The following ZCWPW1 variants were observed in gnomAD, a reference collection of about 807,000 sequenced individuals.
The protein encoded by ZCWPW1 is zinc finger CW-type and PWWP domain containing 1.
ZCWPW1 carries 56 observed loss-of-function variants against 81.3 expected under a neutral mutation model. The ratio of observed to expected loss-of-function variants is 0.69; its 90% CI spans 0.56 to 0.86. The LOEUF is 0.86. ZCWPW1 is among the 40% of genes least tolerant of loss of function. The pLI, the probability that ZCWPW1 is intolerant of heterozygous loss-of-function variation, is 0.00. For missense variants in ZCWPW1, 650 were observed against 769.8 expected, an observed-to-expected ratio of 0.84 and a Z score of 1.84; for synonymous variants, 250 against 273.7, an observed-to-expected ratio of 0.91 and a Z score of 0.86.
chr7:100,419,966 A>T, intron 3 of ZCWPW1, 83 bp from the exon 4 acceptor site: 1 of 1,124,362 alleles, frequency 8.9e-7, no homozygotes, highest in Non-Finnish European at 1.3e-6. Context: ...ACTAGCCATA[A>T]CAGAATGATA....
intron 9 of ZCWPW1, 149 bp from the exon 10 acceptor site, chr7:100,408,808 T>C: frequency 1.1e-6 from 1 of 888,744 alleles, no homozygotes; most frequent in South Asian, 2.0e-5. Context: ...AGAGGAAGAA[T>C]AAAGACCCAT....
intron 8 of ZCWPW1, among the ~76,000 whole-genome samples, chr7:100,412,772 G>A (rs1158396548): frequency 2.6e-5 from 4 of 151,956 alleles, no homozygotes; most frequent in Admixed American, 6.6e-5. Context: ...TAGTAGAGAC[G>A]GGGTTTCACC....
intron 5 of ZCWPW1, chr7:100,417,406 T>C (rs1047000776): frequency 6.3e-6 from 3 of 475,378 alleles, no homozygotes; most frequent in South Asian, 3.1e-5. Flanking sequence ...GGCCAGGTAA[T>C]GATAATTTTG....
rs1218110079 is a variant in ZCWPW1, at chr7:100,408,567, T to C, written c.964A>G (p.Ile322Val). The part of the protein sequence containing the change: ...AYASYIPGSI[I>V]WAKQYGYPWW... ...GGGTAACCGTATTGCTTGGCCCAGA[T>C]GATGGATCCTGGGATGTAGGAGGCA... is the stretch of plus-strand genomic sequence containing the variant. The change falls in exon 10 of 18, where the codon ATC (isoleucine) becomes GTC (valine). Residue 322 changes from isoleucine (I) to valine (V), a missense_variant. Physicochemically the swap from Ile to Val is conservative, Grantham distance 29. Transcript: ENST00000684423. 1 of 1,614,002 alleles carries C rather than the reference T, an allele frequency of 6.2e-7. No individual in the cohort carries two copies. Among genetic ancestry groups the C allele is most frequent in the Admixed American group, 1.7e-5 (1 of 60,000 alleles).
At position 100,405,059 on chromosome 7, in the gene ZCWPW1, C is replaced by T. The variant is rs538555436; in HGVS notation, c.1208G>A (p.Gly403Glu). ...KRRNDCSQKL[G>E]VALMMAQEAE... is the part of the protein sequence containing the mutation. Reference sequence around the variant, plus strand: ...CTCTTGAGCCATCATCAGGGCCACCCCCAGTTTCTGGCTGCAGTCATTTCT... The same window carrying T: ...CTCTTGAGCCATCATCAGGGCCACCTCCAGTTTCTGGCTGCAGTCATTTCT... Residue 403 changes from glycine (G) to glutamate (E), a missense_variant, in exon 13 of 18, where the codon GGG (glycine) becomes GAG (glutamate). Coordinates refer to ENST00000684423, the MANE Select transcript of ZCWPW1 (RefSeq NM_001386010.1). The T allele has an allele frequency of 3.1e-6, 5 of 1,613,424 alleles. No homozygotes were observed. The highest frequency in any genetic ancestry group is 4.2e-6 in the Non-Finnish European group (5 of 1,179,782).
At chr7:100,411,651 G>A (rs1038767537) in intron 8 of ZCWPW1, among the ~76,000 whole-genome samples, 1 of 152,108 alleles carries the variant, frequency 6.6e-6, no homozygotes, top group Non-Finnish European at 1.5e-5. Flanking sequence ...AGTAGTTTTG[G>A]ATGTTTACAG....
rs764526839 is a variant in ZCWPW1 at position 100,401,263 on chromosome 7, T to C, written c.1701A>G (p.Arg567=). The stretch of plus-strand genomic sequence containing the variant: ...ATAGGCCCAGGTTCTTTGGCACTGT[T>C]CTAACTTCTTTTCCCTCTGAAAAGC... The part of the protein sequence containing the change: ...AASFSEGKEV[R]TVPKNLGLSA... Residue 567 remains arginine, a synonymous_variant, in exon 18 of 18, where the codon AGA becomes AGG. Coordinates refer to ENST00000684423, the MANE Select transcript of ZCWPW1 (RefSeq NM_001386010.1). 2 of 1,610,220 alleles carry C rather than the reference T, an allele frequency of 1.2e-6. No homozygotes were observed. Among genetic ancestry groups the C allele is most frequent in the Non-Finnish European group, 1.7e-6 (2 of 1,177,580 alleles).
rs1330993832 is a variant in ZCWPW1, at chr7:100,401,934, T to C, written c.1582A>G (p.Met528Val). 6.2e-7 allele frequency: 1 copy of C among 1,614,158 alleles called. No individual in the cohort carries two copies. Among genetic ancestry groups the C allele is most frequent in the South Asian group, 1.1e-5 (1 of 91,078 alleles). ...RKSTAPPAPRMGRKEGQGNSD... is the reference protein window; with the variant it reads ...RKSTAPPAPRVGRKEGQGNSD... The stretch of plus-strand genomic sequence containing the variant: ...TTCCCTTGGCCTTCTTTCCTTCCCA[T>C]TCTGGGTGCAGGAGGAGCTGTGGAT... The change falls in exon 17 of 18, where the codon ATG becomes GTG. Residue 528 changes from methionine (M) to valine (V), a missense_variant. Physicochemically the swap from Met to Val is conservative, Grantham distance 21. Transcript: ENST00000684423.
intron 9 of ZCWPW1, among the ~76,000 whole-genome samples, chr7:100,409,101 G>A (rs564638988): frequency 9.2e-5 from 14 of 152,140 alleles, no homozygotes; most frequent in Admixed American, 2.0e-4. Context: ...GATCTCTCTC[G>A]TCTGTTTTCC....
intron 12 of ZCWPW1, 112 bp downstream of exon 12, chr7:100,406,582 G>T: frequency 1.0e-6 from 1 of 1,002,076 alleles, no homozygotes; most frequent in Non-Finnish European, 1.5e-6. Flanking sequence ...TGGCACACCT[G>T]GTCAGACACA....
At position 100,401,950 on chromosome 7, in the gene ZCWPW1, A is replaced by G. The variant is rs1258879218; in HGVS notation, c.1566T>C (p.Ala522=). 6.2e-7 allele frequency: 1 copy of G among 1,613,978 alleles called. No individual in the cohort carries two copies. Among genetic ancestry groups the G allele is most frequent in the Non-Finnish European group, 8.5e-7 (1 of 1,180,000 alleles). Residue 522 remains alanine, a synonymous_variant, in exon 17 of 18, where the codon GCT becomes GCC. Transcript: ENST00000684423. ...MKRSLGRKST[A]PPAPRMGRKE... The stretch of plus-strand genomic sequence containing the variant: ...TCCTTCCCATTCTGGGTGCAGGAGG[A>G]GCTGTGGATTTCCTGCCTAGAGATC...
chr7:100,401,799 A>C, intron 17 of ZCWPW1, 90 bp downstream of exon 17: 1 of 1,477,758 alleles, frequency 6.8e-7, no homozygotes, highest in Non-Finnish European at 9.1e-7. Context: ...AGTAATGAAA[A>C]GCTGTAAAAT....
intron 12 of ZCWPW1, among the ~76,000 whole-genome samples, chr7:100,406,204 C>G (rs1464226447): frequency 6.6e-6 from 1 of 152,118 alleles, no homozygotes; most frequent in African/African-American, 2.4e-5. Flanking sequence ...ACTGTGCCCC[C>G]CAGAAGGCAC....
intron 16 of ZCWPW1, 30 bp from the exon 17 acceptor site, chr7:100,402,071 CT>C: frequency 6.3e-7 from 1 of 1,581,110 alleles, no homozygotes; most frequent in Non-Finnish European, 8.6e-7. Flanking sequence ...GTTTATTTCT[CT>C]CTAAACGACA....
In ZCWPW1 at chr7:100,420,666, G is replaced by T; in HGVS notation, c.-17C>A. 6.2e-7 allele frequency: 1 copy of T among 1,613,780 alleles called. No individual in the cohort carries two copies. Reference sequence around the variant, plus strand: ...TGTCATCATTCAGCTTAGAAACTACGCTTTGTGTGCCTCTGTTAGAAAAAA... The same window carrying T: ...TGTCATCATTCAGCTTAGAAACTACTCTTTGTGTGCCTCTGTTAGAAAAAA... On this transcript the variant is annotated 5_prime_UTR_variant, in exon 3 of 18. Transcript: ENST00000684423.
At chr7:100,407,425 C>T in intron 10 of ZCWPW1, 122 bp from the exon 11 acceptor site, 1 of 826,524 alleles carries the variant, frequency 1.2e-6, no homozygotes, top group South Asian at 1.6e-5. Flanking sequence ...CAAGGTCTCA[C>T]TCTGTCACCC....
intron 6 of ZCWPW1, among the ~76,000 whole-genome samples, 196 bp downstream of exon 6, chr7:100,416,870 C>A (rs981423692): frequency 6.6e-6 from 1 of 151,108 alleles, no homozygotes; most frequent in Non-Finnish European, 1.5e-5. Flanking sequence ...TGCTTGAACC[C>A]AGGAGGCAGA....
chr7:100,402,018 C>G lies in ZCWPW1; in HGVS notation c.1498G>C (p.Ala500Pro). The G allele has an allele frequency of 6.2e-7, 1 of 1,612,784 alleles. No individual in the cohort carries two copies. ...PRGLGGDAGT[A>P]DGRGRTLQRK... ...TGCAGTGTCCTGCCTCGGCCATCTGCTGTGCCTGCATCACCCCCAAGCCCT... is the reference window on the plus strand; with the variant it reads ...TGCAGTGTCCTGCCTCGGCCATCTGGTGTGCCTGCATCACCCCCAAGCCCT... The change falls in exon 17 of 18, where the codon GCA becomes CCA. Residue 500 changes from alanine (A) to proline (P), a missense_variant. Ala to Pro is a conservative substitution (Grantham distance 27, BLOSUM62 -1). Transcript: ENST00000684423.
In ZCWPW1 at chr7:100,419,627, T is replaced by C. The variant is rs376140583; in HGVS notation, c.282+3A>G. 83 of 1,608,626 alleles carry C rather than the reference T, an allele frequency of 5.2e-5. 1 individual carries two copies. In the South Asian group the frequency reaches 8.6e-4, roughly 17 times the overall value. Reference sequence around the variant, plus strand: ...TACCAGAGCCCACCACTATGACTGGTACCTTTTCTTTCTTCTCTGCTTGCT... The same window carrying C: ...TACCAGAGCCCACCACTATGACTGGCACCTTTTCTTTCTTCTCTGCTTGCT... On this transcript the variant is annotated splice_donor_region_variant and intron_variant, in intron 4 of 17. Coordinates refer to ENST00000684423, the MANE Select transcript of ZCWPW1 (RefSeq NM_001386010.1).
Sources: allele counts gnomAD v4.1 joint callset (sites outside exome capture counted in the v4.1 genomes callset), GRCh38; gene constraint gnomAD v4.1.1; transcripts MANE v1.5; gene names NCBI Gene and HGNC (gene_info 2026-07-23, HGNC 2026-07-21).